The following OR52E5 variants were observed in gnomAD, a reference collection of about 807,000 sequenced individuals.
OR52E5 encodes olfactory receptor family 52 subfamily E member 5.
Position 5,902,085 on chromosome 11 carries a change from G to T in OR52E5, c.*325G>T, listed in dbSNP as rs1291792017. 5.4e-6 allele frequency: 1 copy of T among 185,952 alleles called. No individual in the cohort carries two copies. The highest frequency in any genetic ancestry group is 1.3e-4 in the East Asian group (1 of 7,766). 11.5% of individuals were successfully genotyped at this position (185,952 alleles called of 1,614,324 possible). Reference sequence around the variant, plus strand: ...CATATCCAAAGCTGAAGTTCATGACGATTAAAATGATGTGGTATTTCATCA... The same window carrying T: ...CATATCCAAAGCTGAAGTTCATGACTATTAAAATGATGTGGTATTTCATCA... On this transcript the variant is annotated 3_prime_UTR_variant, in exon 3 of 3. Transcript: ENST00000610445.
rs1468810637 is a variant in OR52E5, at chr11:5,901,469, T to A, written c.693T>A (p.Asp231Glu). Residue 231 changes from aspartate (D) to glutamate (E), a missense_variant, in exon 3 of 3, where the codon GAT becomes GAA. By Grantham distance (45) the Asp-to-Glu change is conservative (BLOSUM62 2). Coordinates refer to ENST00000610445, the MANE Select transcript of OR52E5 (RefSeq NM_001005166.5). ...CTGTCTTCCATCTCCCAGCCTGGGA[T>A]GCCCGGCCTAAGGCACTCAGCACAT... is the stretch of plus-strand genomic sequence containing the variant. The part of the protein sequence containing the change: ...LRAVFHLPAW[D>E]ARPKALSTCG... 1 of 401,636 alleles carries A rather than the reference T, an allele frequency of 2.5e-6. No individual in the cohort carries two copies. The highest frequency in any genetic ancestry group is 2.1e-5 in the African/African-American group (1 of 48,692). 24.9% of individuals were successfully genotyped at this position (401,636 alleles called of 1,614,324 possible). A position where few individuals can be genotyped will look rare whatever the true frequency, so the allele number is the denominator to read the frequency against.
At position 5,901,962 on chromosome 11, in the gene OR52E5, A is replaced by T; in HGVS notation, c.*202A>T. The T allele has an allele frequency of 5.2e-6, 2 of 381,890 alleles. No homozygotes were observed. Among genetic ancestry groups the T allele is most frequent in the Non-Finnish European group, 9.3e-6 (2 of 214,242 alleles). The allele number at this position is 381,890 out of a possible 1,614,324, so 23.7% of individuals were successfully genotyped here. On this transcript the variant is annotated 3_prime_UTR_variant, in exon 3 of 3. Transcript: ENST00000610445. ...AAAGTACTCACACTTAAGCCCCATG[A>T]TACTACAAAATGCCTAAAGAGAAAC...
chr11:5,901,285 T>C lies in OR52E5; in HGVS notation c.509T>C (p.Phe170Ser). Residue 170 changes from phenylalanine to serine, a missense_variant, in exon 3 of 3, where the codon TTC becomes TCC. Phe to Ser is a radical substitution (Grantham distance 155). Transcript: ENST00000610445. ...ACATTTCTCATCCTGAGATTGCCTTTCTGTGGTGTCCGGATTATCCCTCAT... is the reference window on the plus strand; with the variant it reads ...ACATTTCTCATCCTGAGATTGCCTTCCTGTGGTGTCCGGATTATCCCTCAT... ...PFTFLILRLPFCGVRIIPHTY... is the reference protein window; with the variant it reads ...PFTFLILRLPSCGVRIIPHTY... 2.5e-6 allele frequency: 1 copy of C among 401,788 alleles called. No individual in the cohort carries two copies. The highest frequency in any genetic ancestry group is 3.1e-4 in the Middle Eastern group (1 of 3,228). The allele number at this position is 401,788 out of a possible 1,614,324, so 24.9% of individuals were successfully genotyped here.
Position 5,901,129 on chromosome 11 carries a change from CA to C in OR52E5, c.354del (p.Val119SerfsTer4), listed in dbSNP as rs1847245029. The C allele has an allele frequency of 7.5e-6, 3 of 401,488 alleles. No homozygotes were observed. Among genetic ancestry groups the C allele is most frequent in the Middle Eastern group, 3.1e-4 (1 of 3,218 alleles). The allele number at this position is 401,488 out of a possible 1,614,324, so 24.9% of individuals were successfully genotyped here. On this transcript the variant is annotated frameshift_variant, in exon 3 of 3. Coordinates refer to ENST00000610445, the MANE Select transcript of OR52E5 (RefSeq NM_001005166.5). LOFTEE classifies it low-confidence loss of function (END_TRUNC). Reference protein sequence around the residue: ...ICTGLESVVLTVTGIDRYIAI... With the variant: ...ICTGLESVVLXVTGIDRYIAI... ...ACTGGCCTGGAGTCTGTGGTACTGA[CA>C]GTCACGGGCATAGATCGCTATATTG...
chr11:5,895,071 A>G (rs1301271118), intron 1 of OR52E5, among the ~76,000 whole-genome samples: 3 of 152,182 alleles, frequency 2.0e-5, no homozygotes, highest in African/African-American at 7.2e-5. Flanking sequence ...GAAATGTTTT[A>G]CTTCACTGAC....
intron 2 of OR52E5, among the ~76,000 whole-genome samples, chr11:5,896,369 T>C (rs1411686380): frequency 7.0e-6 from 1 of 142,360 alleles, no homozygotes; most frequent in African/African-American, 2.6e-5. Context: ...TGCAGTGAGC[T>C]GAGATAGCAC....
intron 2 of OR52E5, among the ~76,000 whole-genome samples, chr11:5,896,470 T>C (rs1352465687): frequency 1.3e-5 from 2 of 149,804 alleles, no homozygotes; most frequent in Non-Finnish European, 3.0e-5. Context: ...GAATGAAAAA[T>C]TATTCAGTTT....
intron 1 of OR52E5, among the ~76,000 whole-genome samples, chr11:5,894,581 T>C (rs184565877): frequency 1.8e-3 from 269 of 152,176 alleles, no homozygotes; most frequent in African/African-American, 5.4e-3. Context: ...AAGAAAGACA[T>C]AGAGAAGAAA....
chr11:5,895,587 G>A (rs1847162451), intron 1 of OR52E5, 45 bp from the exon 2 acceptor site: 2 of 152,122 alleles, frequency 1.3e-5, no homozygotes, highest in Non-Finnish European at 2.9e-5. Context: ...AAATAGCCAT[G>A]AATAAATTTA....
intron 2 of OR52E5, among the ~76,000 whole-genome samples, chr11:5,897,987 T>C (rs182135440): frequency 6.6e-6 from 1 of 151,986 alleles, no homozygotes; most frequent in Admixed American, 6.6e-5. Context: ...CTCACCCTCC[T>C]GAGTAGCTGT....
At chr11:5,899,747 A>G (rs10838797) in intron 2 of OR52E5, among the ~76,000 whole-genome samples, 36,910 of 152,058 alleles carry the variant, frequency 0.24, 4,605 homozygotes, top group Non-Finnish European at 0.26. Context: ...AGCACCCTAC[A>G]GGCCTATTAT....
Position 5,901,348 on chromosome 11 carries a change from G to T in OR52E5, c.572G>T (p.Cys191Phe). 6 of 401,666 alleles carry T rather than the reference G, an allele frequency of 1.5e-5. No homozygotes were observed. The highest frequency in any genetic ancestry group is 2.7e-5 in the Non-Finnish European group (6 of 226,356). The allele number at this position is 401,666 out of a possible 1,614,324, so 24.9% of individuals were successfully genotyped here. The change falls in exon 3 of 3, where the codon TGT becomes TTT. Residue 191 changes from cysteine to phenylalanine, a missense_variant. Transcript: ENST00000610445. ...CEHMGLAKLA[C>F]ASINVIYGLI... is the part of the protein sequence containing the mutation. The stretch of plus-strand genomic sequence containing the variant: ...CACATGGGCTTGGCAAAGTTAGCTT[G>T]TGCCAGTATTAATGTTATATATGGA...
At position 5,901,447 on chromosome 11, in the gene OR52E5, T is replaced by C; in HGVS notation, c.671T>C (p.Val224Ala). ...TCCTATGTCCAGATCCTCCGAGCTGTCTTCCATCTCCCAGCCTGGGATGCC... is the reference window on the plus strand; with the variant it reads ...TCCTATGTCCAGATCCTCCGAGCTGCCTTCCATCTCCCAGCCTGGGATGCC... The part of the protein sequence containing the change: ...GFSYVQILRA[V>A]FHLPAWDARP... The change falls in exon 3 of 3, where the codon GTC (valine) becomes GCC (alanine). Residue 224 changes from valine (V) to alanine (A), a missense_variant. Transcript: ENST00000610445. The C allele has an allele frequency of 2.5e-6, 1 of 401,742 alleles. No homozygotes were observed. Among genetic ancestry groups the C allele is most frequent in the Non-Finnish European group, 4.4e-6 (1 of 226,390 alleles). The allele number at this position is 401,742 out of a possible 1,614,324, so 24.9% of individuals were successfully genotyped here. A position where few individuals can be genotyped will look rare whatever the true frequency, so the allele number is the denominator to read the frequency against.
chr11:5,896,030 CAG>C (rs1356021846), intron 2 of OR52E5, among the ~76,000 whole-genome samples: 1 of 150,908 alleles, frequency 6.6e-6, no homozygotes, highest in Non-Finnish European at 1.5e-5. Context: ...GCCTGGGAAA[CAG>C]AGAGAGACTC....
rs913927351 is a variant in OR52E5, at chr11:5,902,716, T to C, written c.*956T>C. The C allele has an allele frequency of 1.3e-5, 2 of 152,166 alleles. No homozygotes were observed. The highest frequency in any genetic ancestry group is 4.8e-5 in the African/African-American group (2 of 41,418). The allele number at this position is 152,166 out of a possible 1,614,324, so 9.4% of individuals were successfully genotyped here. ...AAGATAAATAGGACAATTTATTTCT[T>C]TGGGTATTCTAGGAGCTGCAAAAAT... is the stretch of plus-strand genomic sequence containing the variant. On this transcript the variant is annotated 3_prime_UTR_variant, in exon 3 of 3. Transcript: ENST00000610445.
intron 1 of OR52E5, 126 bp downstream of exon 1, chr11:5,893,396 G>C (rs1339952529): frequency 6.6e-6 from 1 of 152,092 alleles, no homozygotes; most frequent in South Asian, 2.1e-4. Flanking sequence ...ATCTTCTAAG[G>C]AAGTAGCAAG....
intron 2 of OR52E5, among the ~76,000 whole-genome samples, chr11:5,899,584 T>C (rs550088266): frequency 3.9e-5 from 6 of 152,182 alleles, no homozygotes; most frequent in Non-Finnish European, 7.3e-5. Flanking sequence ...TCAAAGTAAT[T>C]TGACCCATGG....
At chr11:5,896,025 G>A (rs974953353) in intron 2 of OR52E5, among the ~76,000 whole-genome samples, 2 of 151,394 alleles carry the variant, frequency 1.3e-5, no homozygotes, top group Non-Finnish European at 2.9e-5. Flanking sequence ...CTCCAGCCTG[G>A]GAAACAGAGA....
intron 2 of OR52E5, among the ~76,000 whole-genome samples, chr11:5,899,150 TGG>T (rs1248089787): frequency 6.6e-6 from 1 of 152,164 alleles, no homozygotes; most frequent in Non-Finnish European, 1.5e-5. Context: ...TTCACCTCCT[TGG>T]TTAAATGTAT....
Sources: gnomAD v4.1 joint callset for allele counts (sites outside exome capture counted in the v4.1 genomes callset) on GRCh38, gnomAD v4.1.1 for gene constraint, MANE v1.5 for transcripts, NCBI Gene and HGNC (gene_info 2026-07-23, HGNC 2026-07-21) for gene names.